Variants in FGF10 observed in about 807,000 individuals in gnomAD.
FGF10 encodes the protein FGF-10.
A neutral mutation model predicts 19.8 loss-of-function variants in FGF10; 2 were observed. The observed-to-expected ratio is 0.10, with a 90% CI of 0.04 to 0.32. The LOEUF (loss-of-function observed/expected upper bound fraction) is 0.32. FGF10 is among the 10% of genes least tolerant of loss of function. The probability of loss-of-function intolerance (pLI) is 1.00; values close to 1 mark genes in which losing one functional copy is unlikely to be tolerated. For synonymous variants in FGF10, 112 were observed against 94.0 expected (o/e 1.19, Z -1.10); for missense variants, 191 against 246.3 (o/e 0.78, Z 1.50).
chr5:44,333,835 A>C (rs547071307), intron 1 of FGF10, among the ~76,000 whole-genome samples: 11 of 152,236 alleles, frequency 7.2e-5, no homozygotes, highest in Admixed American at 3.9e-4. Flanking sequence ...TTGGTGTCTC[A>C]GCATCTCTTC....
chr5:44,352,121 C>A (rs961631285), intron 1 of FGF10, among the ~76,000 whole-genome samples: 3 of 151,552 alleles, frequency 2.0e-5, no homozygotes, highest in Non-Finnish European at 4.4e-5. Context: ...TTTGGGGATG[C>A]ACTGCATGGG....
At chr5:44,322,463 G>T (rs945007751) in intron 1 of FGF10, among the ~76,000 whole-genome samples, 1 of 152,132 alleles carries the variant, frequency 6.6e-6, no homozygotes, top group African/African-American at 2.4e-5. Context: ...AAAAGCATTT[G>T]AGTATTACTC....
chr5:44,348,308 A>C (rs147507646), intron 1 of FGF10, among the ~76,000 whole-genome samples: 11 of 151,834 alleles, frequency 7.2e-5, no homozygotes, highest in African/African-American at 2.6e-4. Context: ...GTATTAAACA[A>C]AGTTAACACT....
intron 1 of FGF10, among the ~76,000 whole-genome samples, chr5:44,336,916 T>C (rs1458475115): frequency 6.6e-6 from 1 of 152,030 alleles, no homozygotes; most frequent in Non-Finnish European, 1.5e-5. Flanking sequence ...ACTAACCAAT[T>C]TGGGGAAGTG....
At chr5:44,335,539 G>A (rs1740829265) in intron 1 of FGF10, among the ~76,000 whole-genome samples, 1 of 152,068 alleles carries the variant, frequency 6.6e-6, no homozygotes, top group Non-Finnish European at 1.5e-5. Context: ...TGTTTGGCAT[G>A]TTAAACATAT....
intron 1 of FGF10, among the ~76,000 whole-genome samples, chr5:44,352,205 G>C (rs985132728): frequency 6.6e-6 from 1 of 151,682 alleles, no homozygotes; most frequent in East Asian, 2.0e-4. Context: ...CCGTTAGCAG[G>C]GTGAGGATTT....
intron 1 of FGF10, among the ~76,000 whole-genome samples, chr5:44,334,060 T>C (rs1740794189): frequency 6.6e-6 from 1 of 152,110 alleles, no homozygotes; most frequent in African/African-American, 2.4e-5. Flanking sequence ...TCTCTTTTGC[T>C]GCTACAACTA....
chr5:44,320,126 T>C (rs1179134732), intron 1 of FGF10, among the ~76,000 whole-genome samples: 1 of 152,176 alleles, frequency 6.6e-6, no homozygotes, highest in Non-Finnish European at 1.5e-5. Context: ...GAGGTGAAGC[T>C]GAGGTGGTGA....
chr5:44,317,768 G>A (rs1252269267), intron 1 of FGF10, among the ~76,000 whole-genome samples: 3 of 151,746 alleles, frequency 2.0e-5, no homozygotes, highest in Non-Finnish European at 4.4e-5. Flanking sequence ...TTTTTTAAAT[G>A]TATTTAACAT....
At chr5:44,362,728 G>T (rs1055200635) in intron 1 of FGF10, among the ~76,000 whole-genome samples, 4 of 151,594 alleles carry the variant, frequency 2.6e-5, no homozygotes, top group Admixed American at 2.6e-4. Flanking sequence ...ATGTCTTGGA[G>T]ATATCCTATA....
chr5:44,352,050 C>T (rs552027025), intron 1 of FGF10, among the ~76,000 whole-genome samples: 1 of 151,524 alleles, frequency 6.6e-6, no homozygotes, highest in East Asian at 2.0e-4. Flanking sequence ...TCAGTGATTC[C>T]ATCTCAGACT....
chr5:44,339,476 A>T (rs572011966), intron 1 of FGF10, among the ~76,000 whole-genome samples: 1 of 152,302 alleles, frequency 6.6e-6, no homozygotes, highest in Admixed American at 6.5e-5. Flanking sequence ...TGGGGATAAG[A>T]GCTTTCTTTA....
chr5:44,341,232 G>T (rs1014401543), intron 1 of FGF10, among the ~76,000 whole-genome samples: 27 of 151,814 alleles, frequency 1.8e-4, no homozygotes, highest in African/African-American at 6.0e-4. Flanking sequence ...CAGATATTAT[G>T]CAGATTCATT....
Position 44,388,495 on chromosome 5 carries a change from G to A in FGF10, c.188C>T (p.Ala63Val). ...SSSSFSSPSSAGRHVRSYNHL... is the reference protein window; with the variant it reads ...SSSSFSSPSSVGRHVRSYNHL... ...ATTGTAGCTCCGCACATGCCTTCCCGCGCTGGAAGGAGAGGAGAAGGAGGA... is the reference window on the plus strand; with the variant it reads ...ATTGTAGCTCCGCACATGCCTTCCCACGCTGGAAGGAGAGGAGAAGGAGGA... Residue 63 changes from alanine to valine, a missense_variant, in exon 1 of 3, where the codon GCG becomes GTG. Physicochemically the swap from Ala to Val is moderately conservative, Grantham distance 64. Coordinates refer to ENST00000264664, the MANE Select transcript of FGF10 (RefSeq NM_004465.2). 6.2e-7 allele frequency: 1 copy of A among 1,614,124 alleles called. No homozygotes were observed. The highest frequency in any genetic ancestry group is 8.5e-7 in the Non-Finnish European group (1 of 1,180,030).
rs1554039722 is a variant in FGF10, at chr5:44,376,516, A to AAC, written c.325+11840_325+11841dup. Among the ~76,000 whole-genome samples the AAC allele has an allele frequency of 9.0e-4, 121 of 134,312 alleles. 1 individual carries two copies. In the East Asian group the frequency reaches 0.012, roughly 13 times the overall value. The allele number at this position is 134,312 out of a possible 152,430, so 88.1% of individuals were successfully genotyped here. On this transcript the variant is annotated intron_variant, in intron 1 of 2. Coordinates refer to ENST00000264664, the MANE Select transcript of FGF10 (RefSeq NM_004465.2). The stretch of plus-strand genomic sequence containing the variant: ...AAAAAAAAAAAAAAAAAAAAAAAAA[A>AAC]ACAAAAAACCCACAACTAGAGCAAG...
chr5:44,339,969 G>A (rs776161388), intron 1 of FGF10, among the ~76,000 whole-genome samples: 7 of 152,034 alleles, frequency 4.6e-5, no homozygotes, highest in Non-Finnish European at 1.0e-4. Context: ...ACAGGAAAAC[G>A]GTAAGAAATC....
chr5:44,358,033 G>A (rs1259076985), intron 1 of FGF10, among the ~76,000 whole-genome samples: 1 of 151,298 alleles, frequency 6.6e-6, no homozygotes, highest in East Asian at 2.0e-4. Flanking sequence ...TCTTGAGGGG[G>A]GCAAGGGCAT....
At chr5:44,345,088 G>C (rs1741057375) in intron 1 of FGF10, among the ~76,000 whole-genome samples, 1 of 151,778 alleles carries the variant, frequency 6.6e-6, no homozygotes, top group Admixed American at 6.6e-5. Context: ...GATATTTTTA[G>C]TGACAAAATA....
intron 1 of FGF10, among the ~76,000 whole-genome samples, chr5:44,381,294 C>T (rs1406434465): frequency 6.6e-6 from 1 of 152,114 alleles, no homozygotes; most frequent in East Asian, 1.9e-4. Flanking sequence ...ATTGAATTTA[C>T]ACCATTGAAG....
Sources: gnomAD v4.1 joint callset for allele counts (sites outside exome capture counted in the v4.1 genomes callset) on GRCh38, gnomAD v4.1.1 for gene constraint, MANE v1.5 for transcripts, NCBI Gene and HGNC (gene_info 2026-07-23, HGNC 2026-07-21) for gene names.